The following MDGA2 variants were observed in gnomAD, a reference collection of about 807,000 sequenced individuals.
The protein encoded by MDGA2 is MAM domain containing glycosylphosphatidylinositol anchor 2.
In MDGA2, 40 loss-of-function variants were observed where a neutral mutation model predicts 117.8. That is an observed-to-expected ratio of 0.34 (90% confidence interval 0.26 to 0.44). MDGA2 has a LOEUF of 0.44. MDGA2 is among the 20% of genes least tolerant of loss of function. The pLI is 1.00. For missense variants in MDGA2, 1,123 were observed against 1,250.6 expected, an observed-to-expected ratio of 0.90 and a Z score of 1.54; for synonymous variants, 452 against 439.0, an observed-to-expected ratio of 1.03 and a Z score of -0.37.
intron 1 of MDGA2, among the ~76,000 whole-genome samples, chr14:47,452,531 T>C (rs934608447): frequency 6.6e-6 from 1 of 152,064 alleles, no homozygotes; most frequent in Non-Finnish European, 1.5e-5. Context: ...CTGGATTTCA[T>C]AAAAAGGACT....
At chr14:47,176,963 CAA>C (rs1884484217) in intron 3 of MDGA2, among the ~76,000 whole-genome samples, 1 of 151,888 alleles carries the variant, frequency 6.6e-6, no homozygotes, top group Non-Finnish European at 1.5e-5. Flanking sequence ...AAGAAAAAAA[CAA>C]ACAACCCCAT....
At chr14:46,989,609 G>T (rs534359574) in intron 8 of MDGA2, among the ~76,000 whole-genome samples, 105 of 152,232 alleles carry the variant, frequency 6.9e-4, no homozygotes, top group Non-Finnish European at 1.3e-3. Flanking sequence ...TAATTTGCCA[G>T]TGGGAAAGGA....
intron 3 of MDGA2, among the ~76,000 whole-genome samples, chr14:47,213,515 C>A (rs1181572156): frequency 1.3e-5 from 2 of 151,958 alleles, no homozygotes; most frequent in Admixed American, 6.6e-5. Context: ...TTAAAAAAAA[C>A]GTCATTTTGA....
At chr14:47,180,858 T>G (rs1334841750) in intron 3 of MDGA2, among the ~76,000 whole-genome samples, 1 of 151,984 alleles carries the variant, frequency 6.6e-6, no homozygotes. Context: ...GAGAAAAAGG[T>G]TGCAGTGAGC....
At chr14:46,968,747 GA>G (rs35266725) in intron 8 of MDGA2, among the ~76,000 whole-genome samples, 17,766 of 150,762 alleles carry the variant, frequency 0.12, 1,994 homozygotes, top group African/African-American at 0.27. Flanking sequence ...TGAGACAAGA[GA>G]ATTGCTTAAA....
At chr14:47,076,213 T>C (rs1890485474) in intron 6 of MDGA2, among the ~76,000 whole-genome samples, 1 of 152,058 alleles carries the variant, frequency 6.6e-6, no homozygotes, top group African/African-American at 2.4e-5. Context: ...TTAAGTTTAA[T>C]TATAACAGAT....
intron 1 of MDGA2, among the ~76,000 whole-genome samples, chr14:47,464,118 C>A (rs8018946): frequency 6.1e-5 from 9 of 147,656 alleles, no homozygotes; most frequent in African/African-American, 1.3e-4. Context: ...CACACACACA[C>A]ACACACACAC....
intron 15 of MDGA2, among the ~76,000 whole-genome samples, chr14:46,853,430 A>G (rs1881141044): frequency 6.6e-6 from 1 of 151,896 alleles, no homozygotes; most frequent in African/African-American, 2.4e-5. Flanking sequence ...CACAAAGCAC[A>G]TATAGAAGGA....
At chr14:47,066,784 A>G (rs527928988) in intron 6 of MDGA2, among the ~76,000 whole-genome samples, 1 of 152,272 alleles carries the variant, frequency 6.6e-6, no homozygotes, top group South Asian at 2.1e-4. Flanking sequence ...CTGAAATAGT[A>G]TTTGCTAAAA....
intron 1 of MDGA2, among the ~76,000 whole-genome samples, chr14:47,411,570 A>T (rs900687156): frequency 1.3e-5 from 2 of 152,210 alleles, no homozygotes; most frequent in African/African-American, 4.8e-5. Context: ...GCCTTGGGAA[A>T]CAAAAAACTA....
chr14:47,309,051 C>T (rs186318447), intron 1 of MDGA2, among the ~76,000 whole-genome samples: 302 of 152,224 alleles, frequency 2.0e-3, no homozygotes, highest in Middle Eastern at 3.4e-3. Flanking sequence ...CACCCATGAA[C>T]ATAAACACAT....
intron 3 of MDGA2, among the ~76,000 whole-genome samples, chr14:47,187,170 G>C (rs892931692): frequency 6.6e-6 from 1 of 150,628 alleles, no homozygotes; most frequent in Non-Finnish European, 1.5e-5. Context: ...AATAAAATAT[G>C]AAAGAAAAAA....
chr14:47,547,532 A>G (rs1002883029), intron 1 of MDGA2, among the ~76,000 whole-genome samples: 1 of 152,192 alleles, frequency 6.6e-6, no homozygotes. Flanking sequence ...AGGAGTTGGG[A>G]ATCAGTCATG....
chr14:47,497,165 AT>A (rs1894299003), intron 1 of MDGA2, among the ~76,000 whole-genome samples: 1 of 152,124 alleles, frequency 6.6e-6, no homozygotes, highest in Non-Finnish European at 1.5e-5. Context: ...CACATCAGTT[AT>A]TTTTTCCACA....
intron 8 of MDGA2, among the ~76,000 whole-genome samples, chr14:46,973,505 G>A (rs1331563444): frequency 6.6e-6 from 1 of 152,112 alleles, no homozygotes; most frequent in Non-Finnish European, 1.5e-5. Context: ...ATTGGTCAAT[G>A]TTTAACAGAC....
chr14:46,999,284 A>AT (rs1440088532), intron 8 of MDGA2, among the ~76,000 whole-genome samples: 1 of 150,334 alleles, frequency 6.7e-6, no homozygotes, highest in South Asian at 2.1e-4. Context: ...AAGGTAATAA[A>AT]TTTAAAAAAA....
At chr14:47,036,967 T>C (rs1038635640) in intron 7 of MDGA2, among the ~76,000 whole-genome samples, 4 of 152,248 alleles carry the variant, frequency 2.6e-5, no homozygotes, top group African/African-American at 7.2e-5. Context: ...TTGAAGTAGA[T>C]ATATACATCC....
chr14:47,579,712 AAAT>A (rs1896191973), intron 1 of MDGA2, among the ~76,000 whole-genome samples: 2 of 152,080 alleles, frequency 1.3e-5, no homozygotes, highest in African/African-American at 2.4e-5. Context: ...AGACATCTAA[AAAT>A]AATAAAAATC....
intron 8 of MDGA2, among the ~76,000 whole-genome samples, chr14:47,024,092 TAGAC>T (rs1566579543): frequency 2.0e-5 from 3 of 152,120 alleles, no homozygotes; most frequent in African/African-American, 7.2e-5. Context: ...CATAGACAGA[TAGAC>T]AGGTGGATGG....
Sources: gnomAD v4.1 joint callset for allele counts (sites outside exome capture counted in the v4.1 genomes callset) on GRCh38, gnomAD v4.1.1 for gene constraint, MANE v1.5 for transcripts, NCBI Gene and HGNC (gene_info 2026-07-23, HGNC 2026-07-21) for gene names.